Variants in ERH observed in about 807,000 individuals in gnomAD.
ERH encodes enhancer of rudimentary homolog.
A neutral mutation model predicts 16.8 loss-of-function variants in ERH; 1 was observed. The observed-to-expected ratio is 0.06, with a 90% CI of 0.02 to 0.28. The LOEUF is 0.28. ERH is among the 10% of genes least tolerant of loss of function. ERH has a pLI of 1.00. For missense variants in ERH, 42 were observed against 127.5 expected (o/e 0.33, Z 3.23); for synonymous variants, 43 against 43.6 (o/e 0.99, Z 0.05).
chr14:69,393,411 T>C (rs1314354543), intron 2 of ERH, among the ~76,000 whole-genome samples: 1 of 152,148 alleles, frequency 6.6e-6, no homozygotes, highest in Non-Finnish European at 1.5e-5. Context: ...TATCCATCAA[T>C]GGATGACTAG....
At chr14:69,387,209 G>T in intron 2 of ERH, 126 bp from the exon 3 acceptor site, 3 of 694,954 alleles carry the variant, frequency 4.3e-6, no homozygotes, top group South Asian at 4.8e-5. Flanking sequence ...CTGGGGAAAA[G>T]ATGATAGATT....
intron 2 of ERH, among the ~76,000 whole-genome samples, chr14:69,391,430 G>A (rs1053591994): frequency 3.3e-5 from 5 of 151,988 alleles, no homozygotes; most frequent in Non-Finnish European, 5.9e-5. Context: ...CGGATCACTT[G>A]AGGTCAGGAG....
At chr14:69,396,825 T>A in intron 1 of ERH, among the ~76,000 whole-genome samples, 1 of 152,190 alleles carries the variant, frequency 6.6e-6, no homozygotes, top group East Asian at 1.9e-4. Context: ...TAAATCGATT[T>A]AAAAGCCACA....
chr14:69,385,786 C>T (rs1387806964), intron 3 of ERH, among the ~76,000 whole-genome samples: 2 of 152,140 alleles, frequency 1.3e-5, no homozygotes, highest in Admixed American at 6.5e-5. Context: ...CCAAAGACTT[C>T]CACAGTGTCA....
At chr14:69,383,348 C>T (rs1221017516) in intron 3 of ERH, among the ~76,000 whole-genome samples, 2 of 152,110 alleles carry the variant, frequency 1.3e-5, no homozygotes, top group Non-Finnish European at 2.9e-5. Flanking sequence ...TAAAAAAGTC[C>T]TAGGTCACTG....
chr14:69,393,692 A>G (rs533227430), intron 2 of ERH, among the ~76,000 whole-genome samples: 49 of 152,338 alleles, frequency 3.2e-4, no homozygotes, highest in Admixed American at 1.6e-3. Context: ...AAAAATCACT[A>G]CTGCGTACAA....
chr14:69,397,791 G>C (rs1376149004), intron 1 of ERH, among the ~76,000 whole-genome samples: 1 of 152,170 alleles, frequency 6.6e-6, no homozygotes, highest in Non-Finnish European at 1.5e-5. Flanking sequence ...GGTGGCGGGC[G>C]CCTGTAATCC....
intron 2 of ERH, among the ~76,000 whole-genome samples, chr14:69,390,358 T>C (rs1169242339): frequency 2.0e-5 from 3 of 152,208 alleles, no homozygotes; most frequent in African/African-American, 7.2e-5. Flanking sequence ...GGCATCAGGA[T>C]AGGTATCTAC....
At chr14:69,391,540 T>C (rs1357370456) in intron 2 of ERH, among the ~76,000 whole-genome samples, 3 of 148,538 alleles carry the variant, frequency 2.0e-5, no homozygotes, top group Non-Finnish European at 4.4e-5. Context: ...CCCAGCTACT[T>C]GGGTGGCTGA....
At chr14:69,385,501 T>G (rs1278793499) in intron 3 of ERH, among the ~76,000 whole-genome samples, 1 of 152,076 alleles carries the variant, frequency 6.6e-6, no homozygotes, top group African/African-American at 2.4e-5. Flanking sequence ...AGAGCCAATT[T>G]GAGCTATCAG....
chr14:69,390,174 T>A (rs1050821386), intron 2 of ERH, among the ~76,000 whole-genome samples: 1 of 152,088 alleles, frequency 6.6e-6, no homozygotes, highest in Non-Finnish European at 1.5e-5. Flanking sequence ...GCAATTCCCA[T>A]AAAAATCCAA....
At chr14:69,397,820 A>T (rs1199667516) in intron 1 of ERH, among the ~76,000 whole-genome samples, 1 of 152,194 alleles carries the variant, frequency 6.6e-6, no homozygotes, top group Non-Finnish European at 1.5e-5. Context: ...AGGGAGGCTG[A>T]GACAGGAGAA....
intron 1 of ERH, chr14:69,397,908 A>G (rs936490040): frequency 1.2e-5 from 6 of 508,908 alleles, no homozygotes; most frequent in African/African-American, 1.2e-4. Flanking sequence ...ATAGAGTGAG[A>G]CTCTCTATCT....
chr14:69,393,803 C>A (rs1882272881), intron 2 of ERH, among the ~76,000 whole-genome samples: 1 of 152,120 alleles, frequency 6.6e-6, no homozygotes, highest in South Asian at 2.1e-4. Flanking sequence ...AGGAGAACTG[C>A]CTGAGGCTAG....
At chr14:69,386,717 G>C (rs1410175488) in intron 3 of ERH, 3 of 328,170 alleles carry the variant, frequency 9.1e-6, no homozygotes, top group African/African-American at 4.3e-5. Flanking sequence ...GAGGCACATG[G>C]AACTTCTGAA....
intron 1 of ERH, among the ~76,000 whole-genome samples, chr14:69,395,527 T>A (rs942270963): frequency 4.6e-5 from 7 of 152,212 alleles, no homozygotes; most frequent in African/African-American, 1.4e-4. Flanking sequence ...CTGTCTCCAG[T>A]GGTCACTTTC....
intron 3 of ERH, among the ~76,000 whole-genome samples, chr14:69,383,112 G>A (rs1340248107): frequency 6.6e-6 from 1 of 152,044 alleles, no homozygotes; most frequent in Non-Finnish European, 1.5e-5. Flanking sequence ...AGAAAATACT[G>A]CATAATCAAA....
intron 2 of ERH, among the ~76,000 whole-genome samples, chr14:69,393,768 T>C (rs553768468): frequency 3.9e-5 from 6 of 152,270 alleles, no homozygotes; most frequent in African/African-American, 1.2e-4. Context: ...ATGCTTGTAA[T>C]CCCAGAACTT....
intron 2 of ERH, among the ~76,000 whole-genome samples, chr14:69,391,486 A>T (rs906179000): frequency 6.6e-6 from 1 of 151,670 alleles, no homozygotes; most frequent in Non-Finnish European, 1.5e-5. Flanking sequence ...CTCTACTAAA[A>T]ATACAAAAAA....
Sources: gnomAD v4.1 joint callset for allele counts (sites outside exome capture counted in the v4.1 genomes callset) on GRCh38, gnomAD v4.1.1 for gene constraint, MANE v1.5 for transcripts, NCBI Gene and HGNC (gene_info 2026-07-23, HGNC 2026-07-21) for gene names.